Variants in FOXC2 observed in about 807,000 individuals in gnomAD.
The protein encoded by FOXC2 is forkhead box protein C2.
In FOXC2, 7 loss-of-function variants were observed where a neutral mutation model predicts 7.2. The observed-to-expected ratio is 0.97, with a 90% CI of 0.55 to 1.81. FOXC2 has a LOEUF of 1.81. Ranked by LOEUF, FOXC2 falls within the 40% of genes most tolerant of loss-of-function variation. FOXC2 has a pLI of 0.00. For missense variants in FOXC2, 846 were observed against 741.2 expected, an observed-to-expected ratio of 1.14 and a Z score of -1.64; for synonymous variants, 436 against 350.4, an observed-to-expected ratio of 1.24 and a Z score of -2.73.
At position 86,568,923 on chromosome 16, in the gene FOXC2, G is replaced by GAAAAC. The variant is rs1974244453; in HGVS notation, c.*83_*84insAAACA. The GAAAAC allele has an allele frequency of 6.4e-7, 1 of 1,571,614 alleles. No homozygotes were observed. Among genetic ancestry groups the GAAAAC allele is most frequent in the Non-Finnish European group, 8.7e-7 (1 of 1,154,506 alleles). On this transcript the variant is annotated 3_prime_UTR_variant, in exon 1 of 1. Transcript: ENST00000649859. The surrounding 1 kb of genome is among the most constrained non-coding windows in gnomAD (Gnocchi z 5.2). ...CCAACCAGACAATTAAGGGGCTGCAGAGACGCAAAAAAGAAACAAAACATG... is the reference window on the plus strand; with the variant it reads ...CCAACCAGACAATTAAGGGGCTGCAGAAAACAGACGCAAAAAAGAAACAAAACATG...
Position 86,567,908 on chromosome 16 carries a change from CA to C in FOXC2, c.575del (p.Lys192ArgfsTer9), listed in dbSNP as rs1405102004. 6.3e-7 allele frequency: 1 copy of C among 1,580,004 alleles called. No individual in the cohort carries two copies. Among genetic ancestry groups the C allele is most frequent in the Non-Finnish European group, 8.5e-7 (1 of 1,172,256 alleles). On this transcript the variant is annotated frameshift_variant, in exon 1 of 1. Coordinates refer to ENST00000649859, the MANE Select transcript of FOXC2 (RefSeq NM_005251.3). LOFTEE classifies it low-confidence loss of function (END_TRUNC). The stretch of plus-strand genomic sequence containing the variant: ...TCAAGGAGCCGCCCCCGGCGGCGTC[CA>C]AGGGCGCCCCGGCCACCCCCCACCT... ...HLKEPPPAASKGAPATPHLAD... is the reference protein window; with the variant it reads ...HLKEPPPAASXGAPATPHLAD...
In FOXC2 at chr16:86,569,209, T is replaced by G. The variant is rs1974249087; in HGVS notation, c.*368T>G. ...ATAGCGAGCCCCTAGTGACTTTCTG[T>G]AGGGGTCCCCATAGGTGTATGGGGG... is the stretch of plus-strand genomic sequence containing the variant. On this transcript the variant is annotated 3_prime_UTR_variant, in exon 1 of 1. Coordinates refer to ENST00000649859, the MANE Select transcript of FOXC2 (RefSeq NM_005251.3). The G allele has an allele frequency of 2.6e-6, 1 of 381,318 alleles. No homozygotes were observed. Among genetic ancestry groups the G allele is most frequent in the African/African-American group, 2.1e-5 (1 of 48,244 alleles). The allele number at this position is 381,318 out of a possible 1,614,324, so 23.6% of individuals were successfully genotyped here. A position where few individuals can be genotyped will look rare whatever the true frequency, so the allele number is the denominator to read the frequency against.
chr16:86,567,868 A>T lies in FOXC2; in HGVS notation c.533A>T (p.Glu178Val). ...AAGAAGGACGTGTCCAAGGAGAAGG[A>T]GGAGCGGGCCCACCTCAAGGAGCCG... ...FKKKDVSKEK[E>V]ERAHLKEPPP... Residue 178 changes from glutamate (E) to valine (V), a missense_variant, in exon 1 of 1, where the codon GAG (glutamate) becomes GTG (valine). Around this residue, in one of 3 missense-constraint regions of FOXC2, gnomAD observed 640 missense variants for 503.2 expected, o/e 1.27. Coordinates refer to ENST00000649859, the MANE Select transcript of FOXC2 (RefSeq NM_005251.3). 6.2e-7 allele frequency: 1 copy of T among 1,611,448 alleles called. No homozygotes were observed. The highest frequency in any genetic ancestry group is 1.1e-5 in the South Asian group (1 of 91,056).
rs369622966 is a variant in FOXC2, at chr16:86,567,526, C to T, written c.191C>T (p.Pro64Leu). Reference protein sequence around the residue: ...RSYAPYHHHQPAAPKDLVKPP... With the variant: ...RSYAPYHHHQLAAPKDLVKPP... ...TACGCGCCCTACCACCACCACCAGC[C>T]CGCGGCGCCTAAGGACCTGGTGAAG... The change falls in exon 1 of 1, where the codon CCC becomes CTC. Residue 64 changes from proline (P) to leucine (L), a missense_variant. By Grantham distance (98) the Pro-to-Leu change is moderately conservative (BLOSUM62 -3). Around this residue, in one of 3 missense-constraint regions of FOXC2, gnomAD observed 154 missense variants for 134.2 expected, o/e 1.15. Transcript: ENST00000649859. 112 of 1,614,004 alleles carry T rather than the reference C, an allele frequency of 6.9e-5. No homozygotes were observed. Among genetic ancestry groups the T allele is most frequent in the Non-Finnish European group, 9.2e-5 (109 of 1,180,038 alleles).
At position 86,567,890 on chromosome 16, in the gene FOXC2, G is replaced by A. The variant is rs1383490037; in HGVS notation, c.555G>A (p.Glu185=). The change falls in exon 1 of 1, where the codon GAG becomes GAA. Residue 185 remains glutamate, a synonymous_variant. Transcript: ENST00000649859. ...KEKEERAHLK[E]PPPAASKGAP... ...AGGAGGAGCGGGCCCACCTCAAGGA[G>A]CCGCCCCCGGCGGCGTCCAAGGGCG... 1.9e-6 allele frequency: 3 copies of A among 1,596,996 alleles called. No homozygotes were observed. Among genetic ancestry groups the A allele is most frequent in the South Asian group, 2.2e-5 (2 of 89,060 alleles).
Position 86,567,878 on chromosome 16 carries a change from C to A in FOXC2, c.543C>A (p.Ala181=), listed in dbSNP as rs761192494. Residue 181 remains alanine (A), a synonymous_variant, in exon 1 of 1, where the codon GCC becomes GCA. Transcript: ENST00000649859. ...KDVSKEKEER[A]HLKEPPPAAS... Reference sequence around the variant, plus strand: ...TGTCCAAGGAGAAGGAGGAGCGGGCCCACCTCAAGGAGCCGCCCCCGGCGG... The same window carrying A: ...TGTCCAAGGAGAAGGAGGAGCGGGCACACCTCAAGGAGCCGCCCCCGGCGG... 1 of 1,609,644 alleles carries A rather than the reference C, an allele frequency of 6.2e-7. No homozygotes were observed. Among genetic ancestry groups the A allele is most frequent in the Non-Finnish European group, 8.5e-7 (1 of 1,179,712 alleles).
In FOXC2 at chr16:86,568,765, G is replaced by A; in HGVS notation, c.1430G>A (p.Cys477Tyr). The A allele has an allele frequency of 1.2e-6, 2 of 1,612,968 alleles. No individual in the cohort carries two copies. The highest frequency in any genetic ancestry group is 1.7e-6 in the Non-Finnish European group (2 of 1,180,002). Reference protein sequence around the residue: ...GESQVSGNASCQLPYRSTPPL... With the variant: ...GESQVSGNASYQLPYRSTPPL... ...TCCCAGGTGAGTGGCAATGCCAGCT[G>A]CCAGCTGCCCTACAGATCCACGCCG... The change falls in exon 1 of 1, where the codon TGC (cysteine) becomes TAC (tyrosine). Residue 477 changes from cysteine (C) to tyrosine (Y), a missense_variant. Coordinates refer to ENST00000649859, the MANE Select transcript of FOXC2 (RefSeq NM_005251.3). The surrounding 1 kb of genome is among the most constrained non-coding windows in gnomAD (Gnocchi z 5.2).
Position 86,568,525 on chromosome 16 carries a change from C to G in FOXC2, c.1190C>G (p.Pro397Arg). 7.8e-7 allele frequency: 1 copy of G among 1,281,300 alleles called. No homozygotes were observed. The highest frequency in any genetic ancestry group is 9.8e-7 in the Non-Finnish European group (1 of 1,015,230). 79.4% of individuals were successfully genotyped at this position (1,281,300 alleles called of 1,614,324 possible). Residue 397 changes from proline (P) to arginine (R), a missense_variant, in exon 1 of 1, where the codon CCG (proline) becomes CGG (arginine). Pro to Arg is a moderately radical substitution (Grantham distance 103, BLOSUM62 -2). Transcript: ENST00000649859. This position sits in a 1 kb window ranked among gnomAD's most constrained non-coding sequence, Gnocchi z 5.2. ...HHHQHHGHHHPQAPPPPPAPQ... is the reference protein window; with the variant it reads ...HHHQHHGHHHRQAPPPPPAPQ... Reference sequence around the variant, plus strand: ...CACCAGCACCACGGCCACCACCACCCGCAGGCGCCGCCGCCCCCGCCGGCT... The same window carrying G: ...CACCAGCACCACGGCCACCACCACCGGCAGGCGCCGCCGCCCCCGCCGGCT...
rs888579760 is a variant in FOXC2, at chr16:86,567,047, C to T, written c.-289C>T. Reference sequence around the variant, plus strand: ...GCCGCCCGCCTGCCCGCGCTGCCGCCGCCGGGTCCTGGAGCCAGCGAGGAG... The same window carrying T: ...GCCGCCCGCCTGCCCGCGCTGCCGCTGCCGGGTCCTGGAGCCAGCGAGGAG... On this transcript the variant is annotated 5_prime_UTR_variant, in exon 1 of 1. Transcript: ENST00000649859. Among the ~76,000 whole-genome samples the T allele has an allele frequency of 3.3e-5, 5 of 150,566 alleles. No homozygotes were observed. The highest frequency in any genetic ancestry group is 2.0e-4 in the Admixed American group (3 of 15,120).
At position 86,568,629 on chromosome 16, in the gene FOXC2, C is replaced by G. The variant is rs1169998210; in HGVS notation, c.1294C>G (p.Leu432Val). ...ASWYLNHSGD[L>V]NHLPGHTFAA... is the part of the protein sequence containing the mutation. ...CTGGTATCTCAACCACAGCGGGGACCTGAACCACCTCCCCGGCCACACGTT... is the reference window on the plus strand; with the variant it reads ...CTGGTATCTCAACCACAGCGGGGACGTGAACCACCTCCCCGGCCACACGTT... Residue 432 changes from leucine to valine, a missense_variant, in exon 1 of 1, where the codon CTG becomes GTG. Physicochemically the swap from Leu to Val is conservative, Grantham distance 32. This residue lies in a region of FOXC2 where 640 missense variants were observed against 503.2 expected (regional missense o/e 1.27). Coordinates refer to ENST00000649859, the MANE Select transcript of FOXC2 (RefSeq NM_005251.3). This position sits in a 1 kb window ranked among gnomAD's most constrained non-coding sequence, Gnocchi z 5.2. The G allele has an allele frequency of 7.4e-6, 12 of 1,612,544 alleles. No homozygotes were observed. The East Asian group carries it at 2.7e-4, about 36-fold the overall frequency.
Position 86,567,878 on chromosome 16 carries a change from C to T in FOXC2, c.543C>T (p.Ala181=), listed in dbSNP as rs761192494. Residue 181 remains alanine, a synonymous_variant, in exon 1 of 1, where the codon GCC becomes GCT. Transcript: ENST00000649859. ...TGTCCAAGGAGAAGGAGGAGCGGGC[C>T]CACCTCAAGGAGCCGCCCCCGGCGG... ...KDVSKEKEER[A]HLKEPPPAAS... The T allele has an allele frequency of 3.7e-6, 6 of 1,609,758 alleles. No individual in the cohort carries two copies. Among genetic ancestry groups the T allele is most frequent in the Non-Finnish European group, 4.2e-6 (5 of 1,179,704 alleles).
At position 86,567,917 on chromosome 16, in the gene FOXC2, C is replaced by T. The variant is rs1974221395; in HGVS notation, c.582C>T (p.Ala194=). Residue 194 remains alanine, a synonymous_variant, in exon 1 of 1, where the codon GCC becomes GCT. Transcript: ENST00000649859. ...CGCCCCCGGCGGCGTCCAAGGGCGC[C>T]CCGGCCACCCCCCACCTAGCGGACG... ...KEPPPAASKG[A]PATPHLADAP... The T allele has an allele frequency of 1.9e-6, 3 of 1,574,564 alleles. No homozygotes were observed.
rs953118516 is a variant in FOXC2, at chr16:86,567,271, G to GC, written c.-59dup. ...TCTCTCGCGCTCTCTCGCTCTCAGG[G>GC]CCCCCCTCGCTCCCCCGGCCGCAGT... On this transcript the variant is annotated 5_prime_UTR_variant, in exon 1 of 1. Transcript: ENST00000649859. 43 of 1,590,330 alleles carry GC rather than the reference G, an allele frequency of 2.7e-5. No homozygotes were observed. The highest frequency in any genetic ancestry group is 3.3e-5 in the Non-Finnish European group (38 of 1,164,466).
In FOXC2 at chr16:86,567,160, G is replaced by A. The variant is rs1368983074; in HGVS notation, c.-176G>A. On this transcript the variant is annotated 5_prime_UTR_variant, in exon 1 of 1. Transcript: ENST00000649859. ...GAAAGCGCGCGCCCCTGCTCGGCCC[G>A]AGCGCCGCCGCCCGCGCACCCTCGC... is the stretch of plus-strand genomic sequence containing the variant. 1.3e-5 allele frequency: 8 copies of A among 629,312 alleles called. No homozygotes were observed. The East Asian group carries it at 2.6e-4, about 21-fold the overall frequency. The allele number at this position is 629,312 out of a possible 1,614,324, so 39.0% of individuals were successfully genotyped here.
chr16:86,568,142 C>A lies in FOXC2; in HGVS notation c.807C>A (p.Gly269=), dbSNP rs1313550601. The A allele has an allele frequency of 7.4e-7, 1 of 1,347,292 alleles. No homozygotes were observed. 83.5% of individuals were successfully genotyped at this position (1,347,292 alleles called of 1,614,324 possible). Residue 269 remains glycine (G), a synonymous_variant, in exon 1 of 1, where the codon GGC becomes GGA. Coordinates refer to ENST00000649859, the MANE Select transcript of FOXC2 (RefSeq NM_005251.3). This position sits in a 1 kb window ranked among gnomAD's most constrained non-coding sequence, Gnocchi z 5.2. ...CCGCGGCGCCCAACGGGCTGCCTGG[C>A]TTCAGCGTGGAGAACATCATGACCC... is the stretch of plus-strand genomic sequence containing the variant. ...HHAAAPNGLP[G]FSVENIMTLR...
Position 86,567,810 on chromosome 16 carries a change from G to C in FOXC2, c.475G>C (p.Gly159Arg). The C allele has an allele frequency of 6.2e-7, 1 of 1,613,906 alleles. No individual in the cohort carries two copies. Among genetic ancestry groups the C allele is most frequent in the Non-Finnish European group, 8.5e-7 (1 of 1,180,020 alleles). ...DPDSYNMFEN[G>R]SFLRRRRRFK... The stretch of plus-strand genomic sequence containing the variant: ...GGACTCCTACAACATGTTCGAGAAC[G>C]GCAGCTTCCTGCGGCGCCGGCGGCG... The change falls in exon 1 of 1, where the codon GGC becomes CGC. Residue 159 changes from glycine (G) to arginine (R), a missense_variant. By Grantham distance (125) the Gly-to-Arg change is moderately radical. Transcript: ENST00000649859.
chr16:86,568,251 G>T lies in FOXC2; in HGVS notation c.916G>T (p.Ala306Ser). 2 of 1,254,264 alleles carry T rather than the reference G, an allele frequency of 1.6e-6. No homozygotes were observed. The highest frequency in any genetic ancestry group is 4.0e-5 in the Admixed American group (1 of 25,262). The allele number at this position is 1,254,264 out of a possible 1,614,324, so 77.7% of individuals were successfully genotyped here. A position where few individuals can be genotyped will look rare whatever the true frequency, so the allele number is the denominator to read the frequency against. ...GGTGCCGCCGCTGGCGCTGCCCTAC[G>T]CCGCCGCGCCGCCCGCCGCCTACGG... The part of the protein sequence containing the change: ...LVVPPLALPY[A>S]AAPPAAYGQP... The change falls in exon 1 of 1, where the codon GCC becomes TCC. Residue 306 changes from alanine to serine, a missense_variant. Physicochemically the swap from Ala to Ser is moderately conservative, Grantham distance 99. Around this residue, in one of 3 missense-constraint regions of FOXC2, gnomAD observed 640 missense variants for 503.2 expected, o/e 1.27. Transcript: ENST00000649859. The surrounding 1 kb of genome is among the most constrained non-coding windows in gnomAD (Gnocchi z 5.2).
rs1241625240 is a variant in FOXC2 at position 86,568,446 on chromosome 16, G to A, written c.1111G>A (p.Ala371Thr). Residue 371 changes from alanine to threonine, a missense_variant, in exon 1 of 1, where the codon GCT (alanine) becomes ACT (threonine). Around this residue, in one of 3 missense-constraint regions of FOXC2, gnomAD observed 640 missense variants for 503.2 expected, o/e 1.27. Coordinates refer to ENST00000649859, the MANE Select transcript of FOXC2 (RefSeq NM_005251.3). This position sits in a 1 kb window ranked among gnomAD's most constrained non-coding sequence, Gnocchi z 5.2. ...GAGCGGCCCCACGTCGCCCCTGAGC[G>A]CTCTCAACCTCGCCGCCGGCCAGGA... ...HPSGPTSPLS[A>T]LNLAAGQEGA... 56 of 1,358,788 alleles carry A rather than the reference G, an allele frequency of 4.1e-5. No homozygotes were observed. Among genetic ancestry groups the A allele is most frequent in the Non-Finnish European group, 5.3e-5 (56 of 1,047,664 alleles). 84.2% of individuals were successfully genotyped at this position (1,358,788 alleles called of 1,614,324 possible).
At position 86,567,940 on chromosome 16, in the gene FOXC2, A is replaced by C. The variant is rs201456476; in HGVS notation, c.605A>C (p.Asp202Ala). Reference sequence around the variant, plus strand: ...GCCCCGGCCACCCCCCACCTAGCGGACGCCCCCAAGGAGGCCGAGAAGAAG... The same window carrying C: ...GCCCCGGCCACCCCCCACCTAGCGGCCGCCCCCAAGGAGGCCGAGAAGAAG... The part of the protein sequence containing the change: ...KGAPATPHLA[D>A]APKEAEKKVV... The change falls in exon 1 of 1, where the codon GAC (aspartate) becomes GCC (alanine). Residue 202 changes from aspartate (D) to alanine (A), a missense_variant. Physicochemically the swap from Asp to Ala is moderately radical, Grantham distance 126 (BLOSUM62 -2). Transcript: ENST00000649859. The C allele has an allele frequency of 2.7e-5, 42 of 1,563,168 alleles. No homozygotes were observed. The East Asian group carries it at 8.5e-4, about 32-fold the overall frequency.
Sources: allele counts gnomAD v4.1 joint callset (sites outside exome capture counted in the v4.1 genomes callset), GRCh38; gene constraint gnomAD v4.1.1; regional missense constraint gnomAD v4.1.1; non-coding constraint Gnocchi (gnomAD v3.1); transcripts MANE v1.5; gene names NCBI Gene and HGNC (gene_info 2026-07-23, HGNC 2026-07-21).